SLCO3A1: variants seen among roughly 807,000 people sequenced by gnomAD.
SLCO3A1 encodes the protein PGE1 transporter.
In SLCO3A1, 27 loss-of-function variants were observed where a neutral mutation model predicts 63.1. That is an observed-to-expected ratio of 0.43 (90% confidence interval 0.32 to 0.59). The LOEUF (loss-of-function observed/expected upper bound fraction) is 0.59, where lower values mean the gene tolerates loss of function less well. Ranked by LOEUF, SLCO3A1 falls within the 20% of genes least tolerant of loss-of-function variation. The pLI is 0.09. For synonymous variants in SLCO3A1, 473 were observed against 409.9 expected, an observed-to-expected ratio of 1.15 and a Z score of -1.86; for missense variants, 773 against 945.8, an observed-to-expected ratio of 0.82 and a Z score of 2.40.
At chr15:92,111,644 G>A (rs919388510) in intron 4 of SLCO3A1, among the ~76,000 whole-genome samples, 2 of 152,172 alleles carry the variant, frequency 1.3e-5, no homozygotes, top group Admixed American at 1.3e-4. Context: ...GGACAGCACC[G>A]GAGGGATAGG....
intron 2 of SLCO3A1, among the ~76,000 whole-genome samples, chr15:92,055,661 G>A (rs1047865162): frequency 1.3e-5 from 2 of 152,198 alleles, no homozygotes; most frequent in African/African-American, 4.8e-5. Flanking sequence ...TGCCATGGCA[G>A]ACAAGAGAAA....
At position 92,165,169 on chromosome 15, in the gene SLCO3A1, G is replaced by C; in HGVS notation, c.*2034G>C. The C allele has an allele frequency of 1.0e-6, 1 of 985,406 alleles. No homozygotes were observed. The highest frequency in any genetic ancestry group is 1.2e-6 in the Non-Finnish European group (1 of 829,916). The allele number at this position is 985,406 out of a possible 1,614,324, so 61.0% of individuals were successfully genotyped here. A position where few individuals can be genotyped will look rare whatever the true frequency, so the allele number is the denominator to read the frequency against. On this transcript the variant is annotated 3_prime_UTR_variant, in exon 10 of 10. Coordinates refer to ENST00000318445, the MANE Select transcript of SLCO3A1 (RefSeq NM_013272.4). ...GACCAACCAAAAGAAAAGCTGTGTC[G>C]TGGTATGGGGCCACCGTGATCAGCT...
At chr15:91,962,732 A>G (rs1476511506) in intron 2 of SLCO3A1, among the ~76,000 whole-genome samples, 1 of 152,110 alleles carries the variant, frequency 6.6e-6, no homozygotes, top group African/African-American at 2.4e-5. Flanking sequence ...CCCCAGCAGC[A>G]CACCAGATGC....
chr15:91,926,596 T>TGTGTGTGTGTGCGCGCGCGCGCGCGCGC, intron 2 of SLCO3A1, among the ~76,000 whole-genome samples: 2 of 105,254 alleles, frequency 1.9e-5, no homozygotes, highest in African/African-American at 7.3e-5. Context: ...TGTGTGTGTG[T>TGTGTGTGTGTGCGCGCGCGCGCGCGCGC]GCGCGCGCGC....
In SLCO3A1 at chr15:92,128,439, G is replaced by A. The variant is rs761762709; in HGVS notation, c.1462G>A (p.Ala488Thr). Reference protein sequence around the residue: ...QTDSFTPVCGADGITYLSACF... With the variant: ...QTDSFTPVCGTDGITYLSACF... ...CGATTCCTTCACTCCAGTGTGTGGG[G>A]CAGATGGCATCACCTACCTGTCTGC... Residue 488 changes from alanine (A) to threonine (T), a missense_variant, in exon 7 of 10, where the codon GCA becomes ACA. Physicochemically the swap from Ala to Thr is moderately conservative, Grantham distance 58 (BLOSUM62 0). Transcript: ENST00000318445. 8 of 1,614,076 alleles carry A rather than the reference G, an allele frequency of 5.0e-6. No individual in the cohort carries two copies. The highest frequency in any genetic ancestry group is 1.7e-5 in the Admixed American group (1 of 60,008).
At chr15:91,955,784 GAAAC>G (rs1900151700) in intron 2 of SLCO3A1, among the ~76,000 whole-genome samples, 1 of 152,104 alleles carries the variant, frequency 6.6e-6, no homozygotes, top group African/African-American at 2.4e-5. Context: ...CATTAATAAA[GAAAC>G]AAGTAATTGG....
At chr15:91,999,100 C>T (rs944750666) in intron 2 of SLCO3A1, among the ~76,000 whole-genome samples, 8 of 152,040 alleles carry the variant, frequency 5.3e-5, no homozygotes, top group African/African-American at 9.7e-5. Context: ...TACTCGTGGA[C>T]GTAAAGTCGG....
chr15:92,002,538 AAGTGTGTTCCT>A (rs1485599912), intron 2 of SLCO3A1, among the ~76,000 whole-genome samples: 1 of 152,178 alleles, frequency 6.6e-6, no homozygotes, highest in African/African-American at 2.4e-5. Context: ...CATGGAATGC[AAGTGTGTTCCT>A]ACTTGTCATT....
intron 2 of SLCO3A1, among the ~76,000 whole-genome samples, chr15:92,006,872 C>T (rs1401419687): frequency 1.3e-5 from 2 of 152,200 alleles, no homozygotes; most frequent in African/African-American, 4.8e-5. Flanking sequence ...CAAATGTATC[C>T]TTTTAGCAAT....
intron 2 of SLCO3A1, among the ~76,000 whole-genome samples, chr15:92,078,517 CTCT>C (rs1484018360): frequency 2.0e-5 from 3 of 152,230 alleles, no homozygotes; most frequent in Non-Finnish European, 4.4e-5. Context: ...ACACCACTGA[CTCT>C]TCTTGTTTGC....
chr15:92,020,142 G>A (rs1459204020), intron 2 of SLCO3A1, among the ~76,000 whole-genome samples: 1 of 152,096 alleles, frequency 6.6e-6, no homozygotes, highest in African/African-American at 2.4e-5. Context: ...AGTACCTCAA[G>A]TTTTTTACCA....
intron 2 of SLCO3A1, among the ~76,000 whole-genome samples, chr15:92,070,786 T>A (rs1260745388): frequency 6.6e-6 from 1 of 152,224 alleles, no homozygotes; most frequent in Non-Finnish European, 1.5e-5. Context: ...GAGAGGTATC[T>A]GTGCCTTCAT....
chr15:92,022,991 A>G (rs1308993169), intron 2 of SLCO3A1, among the ~76,000 whole-genome samples: 1 of 151,654 alleles, frequency 6.6e-6, no homozygotes, highest in Admixed American at 6.5e-5. Context: ...GCCAGAAGTC[A>G]TCGAATCAAC....
intron 1 of SLCO3A1, among the ~76,000 whole-genome samples, chr15:91,864,490 CTT>C (rs56982912): frequency 0.24 from 32,036 of 133,404 alleles, 3,040 homozygotes; most frequent in African/African-American, 0.27. Context: ...AAATGTTCCT[CTT>C]TTTTTTTTTT....
At chr15:92,153,923 C>T (rs955253911) in intron 9 of SLCO3A1, among the ~76,000 whole-genome samples, 1 of 152,158 alleles carries the variant, frequency 6.6e-6, no homozygotes, top group Non-Finnish European at 1.5e-5. Flanking sequence ...TCAGGAAGGG[C>T]TTCTGCCCTG....
intron 2 of SLCO3A1, among the ~76,000 whole-genome samples, chr15:92,004,379 A>C (rs1463460305): frequency 6.6e-6 from 1 of 152,256 alleles, no homozygotes; most frequent in Non-Finnish European, 1.5e-5. Context: ...TATGCAGGGC[A>C]TCATAGCACA....
intron 2 of SLCO3A1, among the ~76,000 whole-genome samples, chr15:92,002,850 G>A (rs991866200): frequency 1.3e-5 from 2 of 152,032 alleles, no homozygotes; most frequent in East Asian, 3.9e-4. Context: ...AATATTACAT[G>A]CACTGTGCTG....
chr15:92,061,577 G>T (rs1218090224), intron 2 of SLCO3A1, among the ~76,000 whole-genome samples: 7 of 152,222 alleles, frequency 4.6e-5, no homozygotes. Context: ...AAAACCCAAA[G>T]AGCTAATAGG....
chr15:92,160,500 T>G (rs1000645638), intron 9 of SLCO3A1, among the ~76,000 whole-genome samples: 5 of 152,070 alleles, frequency 3.3e-5, no homozygotes, highest in Admixed American at 1.3e-4. Flanking sequence ...AATATGCGCT[T>G]CCATTCGGCA....
Sources: gnomAD v4.1 joint callset for allele counts (sites outside exome capture counted in the v4.1 genomes callset) on GRCh38, gnomAD v4.1.1 for gene constraint, MANE v1.5 for transcripts, NCBI Gene and HGNC (gene_info 2026-07-23, HGNC 2026-07-21) for gene names.